Variants in SETD1A observed in about 807,000 individuals in gnomAD.
The protein encoded by SETD1A is SET domain containing 1A, histone lysine methyltransferase, also known as histone-lysine N-methyltransferase SETD1A.
A neutral mutation model predicts 149.9 loss-of-function variants in SETD1A; 29 were observed. That is an observed-to-expected ratio of 0.19 (90% CI 0.14 to 0.26). SETD1A has a LOEUF of 0.26. Among genes scored for constraint, SETD1A ranks in the 10% least tolerant of loss-of-function variants. SETD1A has a pLI of 1.00. For synonymous variants in SETD1A, 1,141 were observed against 968.5 expected, an observed-to-expected ratio of 1.18 and a Z score of -3.31; for missense variants, 2,109 against 2,353.1, an observed-to-expected ratio of 0.90 and a Z score of 2.15.
At chr16:30,959,311 G>A (rs916705905) in intron 3 of SETD1A, 125 bp downstream of exon 3, 14 of 721,122 alleles carry the variant, frequency 1.9e-5, no homozygotes, top group Non-Finnish European at 3.5e-5. Context: ...AACCTCTGAG[G>A]CTGTGAGACT....
chr16:30,979,558 G>C lies in SETD1A; in HGVS notation c.3772G>C (p.Asp1258His), dbSNP rs557154717. 6.2e-7 allele frequency: 1 copy of C among 1,609,446 alleles called. No individual in the cohort carries two copies. The highest frequency in any genetic ancestry group is 8.5e-7 in the Non-Finnish European group (1 of 1,179,122). The change falls in exon 14 of 19, where the codon GAC (aspartate) becomes CAC (histidine). Residue 1258 changes from aspartate to histidine, a missense_variant. Transcript: ENST00000262519. ...GTEVDLAVLA[D>H]LALTPARRGL... ...AGAGGTGGACCTGGCGGTCCTGGCC[G>C]ACCTGGCCCTGACCCCTGCCCGGCG... is the stretch of plus-strand genomic sequence containing the variant.
chr16:30,966,969 T>C lies in SETD1A; in HGVS notation c.2591T>C (p.Val864Ala). The change falls in exon 9 of 19, where the codon GTG becomes GCG. Residue 864 changes from valine to alanine, a missense_variant. Transcript: ENST00000262519. ...AAGGAGCCTGGCCTGCTGTCCCTCG[T>C]GGACTGGGCCAAGAGCGGGGGCACT... ...KLKEPGLLSLVDWAKSGGTTG... is the reference protein window; with the variant it reads ...KLKEPGLLSLADWAKSGGTTG... 4 of 1,590,378 alleles carry C rather than the reference T, an allele frequency of 2.5e-6. No individual in the cohort carries two copies. Among genetic ancestry groups the C allele is most frequent in the Non-Finnish European group, 3.4e-6 (4 of 1,169,086 alleles).
At chr16:30,973,828 C>CA (rs2056254226) in intron 13 of SETD1A, among the ~76,000 whole-genome samples, 1 of 152,122 alleles carries the variant, frequency 6.6e-6, no homozygotes, top group East Asian at 1.9e-4. Context: ...CATTACACCT[C>CA]AGATGACTCT....
In SETD1A at chr16:30,979,991, G is replaced by GCCCAACCCC; in HGVS notation, c.4208_4209insAACCCCCCC (p.Pro1403_Pro1404insThrProPro). 1 of 1,279,662 alleles carries GCCCAACCCC rather than the reference G, an allele frequency of 7.8e-7. No homozygotes were observed. Among genetic ancestry groups the GCCCAACCCC allele is most frequent in the Non-Finnish European group, 1.0e-6 (1 of 969,372 alleles). 79.3% of individuals were successfully genotyped at this position (1,279,662 alleles called of 1,614,324 possible). A position where few individuals can be genotyped will look rare whatever the true frequency, so the allele number is the denominator to read the frequency against. The stretch of plus-strand genomic sequence containing the variant: ...CTCCGCTCCCACGCCCGGCGCCGCC[G>GCCCAACCCC]CCCTCCGCCCCCACCCCCGCCGCCA... On this transcript the variant is annotated inframe_insertion, in exon 14 of 19. Transcript: ENST00000262519.
At position 30,966,076 on chromosome 16, in the gene SETD1A, T is replaced by C. The variant is rs2056140834; in HGVS notation, c.2195T>C (p.Leu732Pro). ...QEAAYGLPYALYAQGQEGRGA... is the reference protein window; with the variant it reads ...QEAAYGLPYAPYAQGQEGRGA... ...GCAGCCTACGGCTTGCCGTATGCTC[T>C]ATATGCACAGGGGCAGGAGGGCAGA... is the stretch of plus-strand genomic sequence containing the variant. The change falls in exon 8 of 19, where the codon CTA (leucine) becomes CCA (proline). Residue 732 changes from leucine (L) to proline (P), a missense_variant. Coordinates refer to ENST00000262519, the MANE Select transcript of SETD1A (RefSeq NM_014712.3). 1 of 1,587,968 alleles carries C rather than the reference T, an allele frequency of 6.3e-7. No homozygotes were observed. Among genetic ancestry groups the C allele is most frequent in the Non-Finnish European group, 8.6e-7 (1 of 1,165,942 alleles).
chr16:30,962,508 G>A (rs2056067667), intron 4 of SETD1A, among the ~76,000 whole-genome samples: 1 of 152,248 alleles, frequency 6.6e-6, no homozygotes, highest in Admixed American at 6.5e-5. Context: ...GAGGTGGTCT[G>A]GGCTTCTGTG....
At position 30,964,940 on chromosome 16, in the gene SETD1A, A is replaced by G. The variant is rs1315679970; in HGVS notation, c.1198A>G (p.Asn400Asp). 6.2e-7 allele frequency: 1 copy of G among 1,614,050 alleles called. No individual in the cohort carries two copies. Among genetic ancestry groups the G allele is most frequent in the Admixed American group, 1.7e-5 (1 of 60,020 alleles). Residue 400 changes from asparagine to aspartate, a missense_variant, in exon 7 of 19, where the codon AAT becomes GAT. Asn to Asp is a conservative substitution (Grantham distance 23). Transcript: ENST00000262519. Reference sequence around the variant, plus strand: ...ACCCCCTGGAGCCCCTTTTGCTGAAAATACAGCTGAGCGCTTCCCACCTTC... The same window carrying G: ...ACCCCCTGGAGCCCCTTTTGCTGAAGATACAGCTGAGCGCTTCCCACCTTC... ...EEPPGAPFAENTAERFPPSYT... is the reference protein window; with the variant it reads ...EEPPGAPFAEDTAERFPPSYT...
intron 12 of SETD1A, 88 bp from the exon 13 acceptor site, chr16:30,971,290 G>A: frequency 7.3e-7 from 1 of 1,365,142 alleles, no homozygotes; most frequent in East Asian, 2.4e-5. Context: ...CCAGAGCCCA[G>A]CATCCACAGC....
In SETD1A at chr16:30,979,224, C is replaced by G. The variant is rs2056328478; in HGVS notation, c.3438C>G (p.Arg1146=). Reference sequence around the variant, plus strand: ...CTGGGCCCCCGGCCCCTGCCCCACGCCCCGATGAGCGTCCCTCTTCTCCCA... The same window carrying G: ...CTGGGCCCCCGGCCCCTGCCCCACGGCCCGATGAGCGTCCCTCTTCTCCCA... ...PPAGPPAPAP[R]PDERPSSPIP... The change falls in exon 14 of 19, where the codon CGC becomes CGG. Residue 1146 remains arginine, a synonymous_variant. Transcript: ENST00000262519. The G allele has an allele frequency of 6.3e-7, 1 of 1,593,634 alleles. No homozygotes were observed. Among genetic ancestry groups the G allele is most frequent in the African/African-American group, 1.3e-5 (1 of 74,616 alleles).
At chr16:30,975,345 A>C (rs1282075172) in intron 13 of SETD1A, among the ~76,000 whole-genome samples, 1 of 151,960 alleles carries the variant, frequency 6.6e-6, no homozygotes, top group East Asian at 1.9e-4. Context: ...ATCAGCTCCC[A>C]TGTGTCAAGT....
Position 30,964,811 on chromosome 16 carries a change from T to G in SETD1A, c.1069T>G (p.Ser357Ala). Residue 357 changes from serine (S) to alanine (A), a missense_variant, in exon 7 of 19, where the codon TCT becomes GCT. Physicochemically the swap from Ser to Ala is moderately conservative, Grantham distance 99. This residue lies in a region of SETD1A where 410 missense variants were observed against 394.8 expected (regional missense o/e 1.04). Transcript: ENST00000262519. ...CTCGTCATCCTCTTCCTCCTCGTCC[T>G]CTCAGTTTCGTAGTTCTGATGCAAA... The part of the protein sequence containing the change: ...SSSSSSSSSS[S>A]QFRSSDANYP... The G allele has an allele frequency of 1.2e-6, 2 of 1,614,186 alleles. No homozygotes were observed. Among genetic ancestry groups the G allele is most frequent in the Middle Eastern group, 1.6e-4 (1 of 6,062 alleles).
chr16:30,975,095 C>A (rs968830703), intron 13 of SETD1A, among the ~76,000 whole-genome samples: 2 of 151,988 alleles, frequency 1.3e-5, no homozygotes, highest in Non-Finnish European at 2.9e-5. Flanking sequence ...TAGCCATGAG[C>A]CGAGATCGTG....
chr16:30,959,216 A>C, intron 3 of SETD1A, 30 bp downstream of exon 3: 1 of 1,388,812 alleles, frequency 7.2e-7, no homozygotes, highest in Admixed American at 1.7e-5. Flanking sequence ...CTGGTGTGGT[A>C]GTCCTAAGAG....
chr16:30,963,867 C>T (rs537976447), intron 5 of SETD1A, among the ~76,000 whole-genome samples: 25 of 152,262 alleles, frequency 1.6e-4, no homozygotes, highest in Non-Finnish European at 2.8e-4. Context: ...TGGTGGGCGC[C>T]TGTAGTCCTA....
chr16:30,978,083 G>A (rs1351204262), intron 13 of SETD1A, among the ~76,000 whole-genome samples: 1 of 151,542 alleles, frequency 6.6e-6, no homozygotes, highest in East Asian at 1.9e-4. Context: ...AGACCATCCT[G>A]GCCAACATGG....
At position 30,965,618 on chromosome 16, in the gene SETD1A, T is replaced by A. The variant is rs2056129702; in HGVS notation, c.1737T>A (p.Ser579=). The change falls in exon 8 of 19, where the codon TCT becomes TCA. Residue 579 remains serine, a synonymous_variant. Transcript: ENST00000262519. ...CCCCGCAGGCTTCTCCATGCTCTTC[T>A]GGAGACGACATGGAGATCTCCGACG... is the stretch of plus-strand genomic sequence containing the variant. ...NGQNQASPCS[S]GDDMEISDDD... 1.2e-6 allele frequency: 2 copies of A among 1,611,258 alleles called. No individual in the cohort carries two copies. Among genetic ancestry groups the A allele is most frequent in the African/African-American group, 1.4e-5 (1 of 74,018 alleles).
Position 30,962,044 on chromosome 16 carries a change from C to T in SETD1A, c.517+507C>T, listed in dbSNP as rs183029903. ...TATTTGCAGAGATGAAGTCTCACTA[C>T]ACTGCCCAGCCTGTTTTTAATTTTT... On this transcript the variant is annotated intron_variant, in intron 4 of 18. Transcript: ENST00000262519. 2.7e-4 allele frequency among the ~76,000 whole-genome samples: 40 copies of T among 148,776 alleles called. No individual in the cohort carries two copies. The South Asian group carries it at 6.6e-3, about 25-fold the overall frequency.
In SETD1A at chr16:30,961,437, T is replaced by G. The variant is rs762787819; in HGVS notation, c.417T>G (p.Arg139=). 9.9e-6 allele frequency: 16 copies of G among 1,613,988 alleles called. No homozygotes were observed. The highest frequency in any genetic ancestry group is 1.2e-5 in the Non-Finnish European group (14 of 1,179,986). The part of the protein sequence containing the change: ...PRTRKHLGLA[R]VLFTSTRGAK... ...CGCGCAAGCACCTGGGCCTGGCCCG[T>G]GTGCTCTTCACCAGCACTCGGGGCG... The change falls in exon 4 of 19, where the codon CGT becomes CGG. Residue 139 remains arginine, a synonymous_variant. Coordinates refer to ENST00000262519, the MANE Select transcript of SETD1A (RefSeq NM_014712.3). The surrounding 1 kb of genome is among the most constrained non-coding windows in gnomAD (Gnocchi z 4.0).
In SETD1A at chr16:30,965,006, G is replaced by A. The variant is rs1232154833; in HGVS notation, c.1264G>A (p.Asp422Asn). 3 of 1,613,344 alleles carry A rather than the reference G, an allele frequency of 1.9e-6. No individual in the cohort carries two copies. Among genetic ancestry groups the A allele is most frequent in the African/African-American group, 2.7e-5 (2 of 74,842 alleles). Reference sequence around the variant, plus strand: ...GCCCCCCGAGCCCAGCCGGCCCACCGACCAGGACTACCGGCCTCCTGCCTC... The same window carrying A: ...GCCCCCCGAGCCCAGCCGGCCCACCAACCAGGACTACCGGCCTCCTGCCTC... ...YLPPEPSRPT[D>N]QDYRPPASEA... The change falls in exon 7 of 19, where the codon GAC (aspartate) becomes AAC (asparagine). Residue 422 changes from aspartate (D) to asparagine (N), a missense_variant. Asp to Asn is a conservative substitution (Grantham distance 23). Transcript: ENST00000262519.
Sources: gnomAD v4.1 joint callset for allele counts (sites outside exome capture counted in the v4.1 genomes callset) on GRCh38, gnomAD v4.1.1 for gene constraint, gnomAD v4.1.1 regional missense constraint, Gnocchi (gnomAD v3.1) non-coding constraint, MANE v1.5 for transcripts, NCBI Gene and HGNC (gene_info 2026-07-23, HGNC 2026-07-21) for gene names.